The following THSD4 variants were observed in gnomAD, a reference collection of about 807,000 sequenced individuals.
THSD4 encodes thrombospondin type 1 domain containing 4.
THSD4 carries 69 observed loss-of-function variants against 119.0 expected under a neutral mutation model. The ratio of observed to expected loss-of-function variants is 0.58; its 90% confidence interval spans 0.48 to 0.71. THSD4 has a LOEUF of 0.71. Among genes scored for constraint, THSD4 ranks in the 30% least tolerant of loss-of-function variants. The pLI, the probability that THSD4 is intolerant of heterozygous loss-of-function variation, is 0.00. For missense variants in THSD4, 1,393 were observed against 1,391.1 expected, an observed-to-expected ratio of 1.00 and a Z score of -0.02; for synonymous variants, 524 against 540.4, an observed-to-expected ratio of 0.97 and a Z score of 0.42.
At chr15:71,128,891 C>G (rs940568530) in intron 1 of THSD4, among the ~76,000 whole-genome samples, 10 of 152,110 alleles carry the variant, frequency 6.6e-5, no homozygotes, top group African/African-American at 2.4e-4. Context: ...TGGAAGTACA[C>G]CCATCTGATT....
chr15:71,375,927 C>A (rs1469612284), intron 6 of THSD4, among the ~76,000 whole-genome samples: 1 of 152,158 alleles, frequency 6.6e-6, no homozygotes, highest in African/African-American at 2.4e-5. Flanking sequence ...GAACAACTGA[C>A]CTAGCACTTT....
At chr15:71,186,404 T>A (rs551796767) in intron 3 of THSD4, 18 of 152,390 alleles carry the variant, frequency 1.2e-4, no homozygotes, top group African/African-American at 4.1e-4. Flanking sequence ...CAACCTGTGT[T>A]TCCCAATACC....
chr15:71,706,360 GA>G (rs5813655), intron 8 of THSD4, among the ~76,000 whole-genome samples: 3,780 of 152,074 alleles, frequency 0.025, 116 homozygotes, highest in African/African-American at 0.065. Flanking sequence ...AGGGATGGGA[GA>G]AAAAAATGGT....
chr15:71,666,294 A>G (rs1354855563), intron 8 of THSD4, among the ~76,000 whole-genome samples: 2 of 152,098 alleles, frequency 1.3e-5, no homozygotes, highest in Non-Finnish European at 2.9e-5. Context: ...TAAGCCCTCA[A>G]TATTTAAATG....
intron 4 of THSD4, among the ~76,000 whole-genome samples, chr15:71,234,521 G>C (rs866093745): frequency 3.3e-5 from 5 of 152,214 alleles, no homozygotes; most frequent in Middle Eastern, 3.4e-3. Context: ...GGCCAGGCTG[G>C]TCTTGAACTC....
At chr15:71,311,620 C>T (rs1323965334) in intron 6 of THSD4, among the ~76,000 whole-genome samples, 1 of 152,180 alleles carries the variant, frequency 6.6e-6, no homozygotes, top group Non-Finnish European at 1.5e-5. Context: ...TGTCCTCTTT[C>T]TAGACTTACA....
chr15:71,621,875 G>A (rs1025811067), intron 7 of THSD4, among the ~76,000 whole-genome samples: 3 of 152,258 alleles, frequency 2.0e-5, no homozygotes, highest in Non-Finnish European at 2.9e-5. Context: ...GAGTTTATAG[G>A]TAGAAAAAGA....
At chr15:71,216,751 C>T (rs796849451) in intron 4 of THSD4, among the ~76,000 whole-genome samples, 3 of 152,228 alleles carry the variant, frequency 2.0e-5, no homozygotes, top group East Asian at 1.9e-4. Flanking sequence ...GCTAGATGTA[C>T]GTTGTCTCTT....
chr15:71,600,645 T>C (rs1007864693), intron 7 of THSD4, among the ~76,000 whole-genome samples: 1 of 152,248 alleles, frequency 6.6e-6, no homozygotes, highest in Non-Finnish European at 1.5e-5. Context: ...ACAGCCATCA[T>C]TAACTGAACA....
intron 8 of THSD4, among the ~76,000 whole-genome samples, chr15:71,705,239 G>C (rs1320653481): frequency 6.6e-6 from 1 of 152,164 alleles, no homozygotes; most frequent in Non-Finnish European, 1.5e-5. Context: ...CTCAAACTGA[G>C]TCTTCAAATA....
intron 15 of THSD4, among the ~76,000 whole-genome samples, chr15:71,761,098 C>A (rs1417975704): frequency 2.0e-5 from 3 of 152,096 alleles, no homozygotes; most frequent in Non-Finnish European, 4.4e-5. Flanking sequence ...CTTTTCCCTA[C>A]CATCTTATTT....
chr15:71,660,511 G>A lies in THSD4; in HGVS notation c.1153-19G>A, dbSNP rs1375641300. The A allele has an allele frequency of 1.9e-6, 3 of 1,613,714 alleles. No individual in the cohort carries two copies. In the East Asian group the frequency reaches 6.7e-5, roughly 36 times the overall value. ...TCCTGATACATACTATGAGTCTTTT[G>A]TTTTCTGTCTTTTTGCAGAGCATTG... On this transcript the variant is annotated intron_variant, in intron 7 of 17. Coordinates refer to ENST00000261862, the MANE Select transcript of THSD4 (RefSeq NM_024817.3).
At chr15:71,103,300 C>A (rs959171350) in intron 1 of THSD4, among the ~76,000 whole-genome samples, 4 of 152,198 alleles carry the variant, frequency 2.6e-5, no homozygotes, top group Non-Finnish European at 4.4e-5. Context: ...AGTGGCCAAT[C>A]ATGGGCCTGG....
At chr15:71,750,396 C>G (rs2053426259) in intron 14 of THSD4, among the ~76,000 whole-genome samples, 2 of 152,214 alleles carry the variant, frequency 1.3e-5, no homozygotes, top group African/African-American at 4.8e-5. Flanking sequence ...TAGGTTTTCT[C>G]TCCCTCTGCG....
At chr15:71,618,111 TG>T (rs1465737980) in intron 7 of THSD4, among the ~76,000 whole-genome samples, 3 of 152,208 alleles carry the variant, frequency 2.0e-5, no homozygotes, top group Non-Finnish European at 4.4e-5. Flanking sequence ...ATATCCAAAG[TG>T]GTCTTCTGAA....
At chr15:71,305,417 G>A (rs995133428) in intron 6 of THSD4, among the ~76,000 whole-genome samples, 1 of 152,324 alleles carries the variant, frequency 6.6e-6, no homozygotes, top group Non-Finnish European at 1.5e-5. Flanking sequence ...GTTGGCTCAG[G>A]ACTGGAAAGC....
intron 7 of THSD4, among the ~76,000 whole-genome samples, chr15:71,538,478 G>T (rs1399370955): frequency 6.6e-6 from 1 of 152,142 alleles, no homozygotes; most frequent in Non-Finnish European, 1.5e-5. Flanking sequence ...TTACGGCTTC[G>T]TGCTATGTTT....
intron 6 of THSD4, among the ~76,000 whole-genome samples, chr15:71,373,836 G>T (rs977601468): frequency 3.3e-5 from 5 of 152,234 alleles, no homozygotes; most frequent in African/African-American, 1.2e-4. Flanking sequence ...CGTTGAGAGT[G>T]AGTGAGTGTT....
At chr15:71,761,088 CTT>C (rs2053620433) in intron 15 of THSD4, among the ~76,000 whole-genome samples, 1 of 152,070 alleles carries the variant, frequency 6.6e-6, no homozygotes. Context: ...TATGTTTGGA[CTT>C]TTCCCTACCA....
Sources: allele counts gnomAD v4.1 joint callset (sites outside exome capture counted in the v4.1 genomes callset), GRCh38; gene constraint gnomAD v4.1.1; transcripts MANE v1.5; gene names NCBI Gene and HGNC (gene_info 2026-07-23, HGNC 2026-07-21).